EXOC6B: variants seen among roughly 807,000 people sequenced by gnomAD.
EXOC6B encodes exocyst complex component 6B.
EXOC6B carries 54 observed loss-of-function variants against 113.5 expected under a neutral mutation model. The ratio of observed to expected loss-of-function variants is 0.48; its 90% CI spans 0.38 to 0.60. The LOEUF (loss-of-function observed/expected upper bound fraction) is 0.60, where lower values mean the gene tolerates loss of function less well. Ranked by LOEUF, EXOC6B falls within the 20% of genes least tolerant of loss-of-function variation. The pLI is 0.00. For missense variants in EXOC6B, 797 were observed against 977.5 expected (o/e 0.82, Z 2.46); for synonymous variants, 357 against 339.0 (o/e 1.05, Z -0.58).
rs34358568 is a variant in EXOC6B at position 72,767,808 on chromosome 2, TAAAAAAA to T, written c.114-26346_114-26340del. On this transcript the variant is annotated intron_variant, in intron 1 of 21. Transcript: ENST00000272427. Reference sequence around the variant, plus strand: ...AGCCTGGGAGACACAGAGACCTTGTTAAAAAAAAAAAAAAAAAAAAAAAAAGACCAAG... The same window carrying T: ...AGCCTGGGAGACACAGAGACCTTGTTAAAAAAAAAAAAAAAAAAGACCAAG... 3.7e-3 allele frequency among the ~76,000 whole-genome samples: 47 copies of T among 12,692 alleles called. 2 individuals are homozygous for T. The Middle Eastern group carries it at 0.21, about 58-fold the overall frequency. 8.3% of individuals were successfully genotyped at this position (12,692 alleles called of 152,430 possible). A position where few individuals can be genotyped will look rare whatever the true frequency, so the allele number is the denominator to read the frequency against.
At chr2:72,477,135 T>C (rs1698801306) in intron 17 of EXOC6B, among the ~76,000 whole-genome samples, 1 of 152,204 alleles carries the variant, frequency 6.6e-6, no homozygotes, top group Admixed American at 6.5e-5. Context: ...TCAAATATCA[T>C]CTTTACACTG....
chr2:72,676,879 G>A (rs1166195286), intron 6 of EXOC6B, among the ~76,000 whole-genome samples: 1 of 152,136 alleles, frequency 6.6e-6, no homozygotes, highest in Non-Finnish European at 1.5e-5. Context: ...ACTTTTAAAA[G>A]ATACTACCAC....
chr2:72,453,028 C>T (rs2105367793), intron 18 of EXOC6B, among the ~76,000 whole-genome samples: 1 of 152,224 alleles, frequency 6.6e-6, no homozygotes, highest in Non-Finnish European at 1.5e-5. Context: ...GACCCAAACA[C>T]CTTCCTTTAG....
chr2:72,523,780 CAAAAAAA>C (rs11334254), intron 8 of EXOC6B, among the ~76,000 whole-genome samples: 1 of 63,728 alleles, frequency 1.6e-5, no homozygotes, highest in African/African-American at 6.4e-5. Context: ...GACTCCATCT[CAAAAAAA>C]AAAAAAAAAA....
intron 1 of EXOC6B, among the ~76,000 whole-genome samples, chr2:72,818,003 G>A (rs1363886280): frequency 6.6e-6 from 1 of 151,960 alleles, no homozygotes; most frequent in Non-Finnish European, 1.5e-5. Flanking sequence ...ACAGAGTCTC[G>A]CTCTGTCGCC....
At chr2:72,582,936 T>C (rs1394232037) in intron 6 of EXOC6B, among the ~76,000 whole-genome samples, 4 of 151,892 alleles carry the variant, frequency 2.6e-5, no homozygotes, top group African/African-American at 9.7e-5. Flanking sequence ...TAAGAAAAGG[T>C]TGAAAATCAA....
At chr2:72,731,594 A>G (rs1001590340) in intron 3 of EXOC6B, among the ~76,000 whole-genome samples, 72 of 152,236 alleles carry the variant, frequency 4.7e-4, no homozygotes, top group Non-Finnish European at 8.7e-4. Context: ...AGTTTGTTGA[A>G]AAGTAATTCA....
intron 20 of EXOC6B, among the ~76,000 whole-genome samples, chr2:72,199,443 T>G (rs1679360829): frequency 6.6e-6 from 1 of 152,192 alleles, no homozygotes; most frequent in Non-Finnish European, 1.5e-5. Flanking sequence ...TATGTCTTAA[T>G]TTTTCTCTTT....
At chr2:72,484,402 CA>C (rs34881607) in intron 16 of EXOC6B, among the ~76,000 whole-genome samples, 265 of 131,470 alleles carry the variant, frequency 2.0e-3, no homozygotes, top group Middle Eastern at 8.1e-3. Context: ...ACTAAAAATA[CA>C]AAAAAAAAAA....
At chr2:72,571,442 T>C (rs535838472) in intron 7 of EXOC6B, among the ~76,000 whole-genome samples, 1 of 152,152 alleles carries the variant, frequency 6.6e-6, no homozygotes, top group Non-Finnish European at 1.5e-5. Context: ...TGGTTAAATA[T>C]CAGCAGCTTC....
intron 6 of EXOC6B, among the ~76,000 whole-genome samples, chr2:72,583,883 G>A (rs1002288381): frequency 6.6e-6 from 1 of 151,960 alleles, no homozygotes; most frequent in Non-Finnish European, 1.5e-5. Flanking sequence ...ACCATACCCA[G>A]CTAATTTTTT....
At chr2:72,745,706 AAAGG>A (rs1558968547) in intron 1 of EXOC6B, among the ~76,000 whole-genome samples, 1 of 152,190 alleles carries the variant, frequency 6.6e-6, no homozygotes, top group African/African-American at 2.4e-5. Flanking sequence ...ATTGTCTACC[AAAGG>A]AAGAGGCAAT....
intron 20 of EXOC6B, among the ~76,000 whole-genome samples, chr2:72,240,449 C>G (rs7577354): frequency 0.24 from 35,936 of 152,048 alleles, 7,511 homozygotes; most frequent in African/African-American, 0.57. Context: ...AATAAAGCAA[C>G]ACTAAAATGT....
At chr2:72,746,712 T>G (rs1202722237) in intron 1 of EXOC6B, among the ~76,000 whole-genome samples, 1 of 152,064 alleles carries the variant, frequency 6.6e-6, no homozygotes, top group Non-Finnish European at 1.5e-5. Flanking sequence ...ATCCAATGCA[T>G]CTTATAAATT....
At chr2:72,550,606 T>C (rs1483263744) in intron 8 of EXOC6B, among the ~76,000 whole-genome samples, 1 of 152,138 alleles carries the variant, frequency 6.6e-6, no homozygotes, top group East Asian at 1.9e-4. Context: ...ACTTCAACAG[T>C]AGGGAATATT....
In EXOC6B at chr2:72,718,254, T is replaced by G. The variant is rs369220288; in HGVS notation, c.518A>C (p.Gln173Pro). Reference protein sequence around the residue: ...LEHLEHTYLPQVSHYRFCKVM... With the variant: ...LEHLEHTYLPPVSHYRFCKVM... ...CTTGCAGAATCGATAGTGGCTTACT[T>G]GAGGCAGGTAGGTATGCTCTAGATG... Residue 173 changes from glutamine to proline, a missense_variant, in exon 6 of 22, where the codon CAA (glutamine) becomes CCA (proline). Coordinates refer to ENST00000272427, the MANE Select transcript of EXOC6B (RefSeq NM_015189.3). 8.7e-6 allele frequency: 14 copies of G among 1,613,716 alleles called. No individual in the cohort carries two copies. Among genetic ancestry groups the G allele is most frequent in the African/African-American group, 1.3e-5 (1 of 74,908 alleles).
chr2:72,260,714 TG>T lies in EXOC6B; in HGVS notation c.2196+74232del, dbSNP rs200440005. ...ATTTCCTTGTAATAGCCGCAATTCT[TG>T]GTAACTTAATCCTTGAAGGGATGGT... On this transcript the variant is annotated intron_variant, in intron 20 of 21. Transcript: ENST00000272427. Among the ~76,000 whole-genome samples, 1,252 of 152,268 alleles carry T rather than the reference TG, an allele frequency of 8.2e-3. 10 individuals are homozygous for T. The highest frequency in any genetic ancestry group is 0.028 in the African/African-American group (1,179 of 41,552).
In EXOC6B at chr2:72,733,094, T is replaced by G. The variant is rs1680742245; in HGVS notation, c.304A>C (p.Lys102Gln). Residue 102 changes from lysine (K) to glutamine (Q), a missense_variant, in exon 3 of 22, where the codon AAA (lysine) becomes CAA (glutamine). Lys to Gln is a moderately conservative substitution (Grantham distance 53). Coordinates refer to ENST00000272427, the MANE Select transcript of EXOC6B (RefSeq NM_015189.3). ...LKNQVTDTNR[K>Q]LQHEGKELVI... ...ACTTCCTTTCCCTCATGTTGTAGTT[T>G]TCTATTAGTATCCGTCACTTGATTC... is the stretch of plus-strand genomic sequence containing the variant. The G allele has an allele frequency of 2.5e-6, 4 of 1,594,448 alleles. No individual in the cohort carries two copies. The East Asian group carries it at 6.7e-5, about 27-fold the overall frequency.
chr2:72,240,518 A>G (rs1682247091), intron 20 of EXOC6B, among the ~76,000 whole-genome samples: 2 of 152,332 alleles, frequency 1.3e-5, no homozygotes, highest in African/African-American at 4.8e-5. Context: ...TGACCTATAT[A>G]TATTCCAAAT....
Sources: gnomAD v4.1 joint callset for allele counts (sites outside exome capture counted in the v4.1 genomes callset) on GRCh38, gnomAD v4.1.1 for gene constraint, MANE v1.5 for transcripts, NCBI Gene and HGNC (gene_info 2026-07-23, HGNC 2026-07-21) for gene names.